SUPT5H: variants seen among roughly 807,000 people sequenced by gnomAD.
The protein encoded by SUPT5H is SPT5 homolog, DSIF elongation factor subunit, also known as transcription elongation factor SPT5.
SUPT5H carries 24 observed loss-of-function variants against 142.5 expected under a neutral mutation model. That is an observed-to-expected ratio of 0.17 (90% confidence interval 0.12 to 0.24). The LOEUF (loss-of-function observed/expected upper bound fraction) is 0.24. SUPT5H is among the 10% of genes least tolerant of loss of function. SUPT5H has a pLI of 1.00. For missense variants in SUPT5H, 893 were observed against 1,471.8 expected (o/e 0.61, Z 6.43); for synonymous variants, 546 against 553.0 (o/e 0.99, Z 0.18).
At chr19:39,476,031 G>A in intron 28 of SUPT5H, 50 bp from the exon 29 acceptor site, 1 of 1,553,806 alleles carries the variant, frequency 6.4e-7, no homozygotes, top group Non-Finnish European at 8.9e-7. Context: ...ATGGGCCTCA[G>A]TCCCATGTTG....
In SUPT5H at chr19:39,466,949, CG is replaced by C; in HGVS notation, c.1037+207del. Reference sequence around the variant, plus strand: ...TAAAGATTGATGAGGCTGGGCGCAGCGGGAGGGAGCACTTTGGAAGGCTAAG... The same window carrying C: ...TAAAGATTGATGAGGCTGGGCGCAGCGGAGGGAGCACTTTGGAAGGCTAAG... On this transcript the variant is annotated intron_variant, in intron 13 of 29. Transcript: ENST00000432763. This position sits in a 1 kb window ranked among gnomAD's most constrained non-coding sequence, Gnocchi z 4.3. 1.7e-6 allele frequency: 1 copy of C among 587,908 alleles called. No individual in the cohort carries two copies. Among genetic ancestry groups the C allele is most frequent in the Non-Finnish European group, 3.0e-6 (1 of 331,832 alleles). 36.4% of individuals were successfully genotyped at this position (587,908 alleles called of 1,614,324 possible). A position where few individuals can be genotyped will look rare whatever the true frequency, so the allele number is the denominator to read the frequency against.
Position 39,466,400 on chromosome 19 carries a change from C to T in SUPT5H, c.877-80C>T, listed in dbSNP as rs988983814. ...CACCATCCTGCGTCCCTTCTCCTTCCTAGCATCTCCTGACCCTTCTTGTGT... is the reference window on the plus strand; with the variant it reads ...CACCATCCTGCGTCCCTTCTCCTTCTTAGCATCTCCTGACCCTTCTTGTGT... On this transcript the variant is annotated intron_variant, in intron 11 of 29. Transcript: ENST00000432763. This position sits in a 1 kb window ranked among gnomAD's most constrained non-coding sequence, Gnocchi z 4.3. 4 of 1,359,518 alleles carry T rather than the reference C, an allele frequency of 2.9e-6. No individual in the cohort carries two copies. Among genetic ancestry groups the T allele is most frequent in the South Asian group, 1.2e-5 (1 of 85,026 alleles). The allele number at this position is 1,359,518 out of a possible 1,614,324, so 84.2% of individuals were successfully genotyped here.
In SUPT5H at chr19:39,471,689, G is replaced by A. The variant is rs763990097; in HGVS notation, c.1909G>A (p.Val637Ile). The A allele has an allele frequency of 1.2e-6, 2 of 1,614,206 alleles. No individual in the cohort carries two copies. Among genetic ancestry groups the A allele is most frequent in the Non-Finnish European group, 1.7e-6 (2 of 1,180,040 alleles). Residue 637 changes from valine (V) to isoleucine (I), a missense_variant, in exon 20 of 30, where the codon GTC becomes ATC. Physicochemically the swap from Val to Ile is conservative, Grantham distance 29. This residue lies in a region of SUPT5H where 428 missense variants were observed against 763.5 expected (regional missense o/e 0.56). Coordinates refer to ENST00000432763, the MANE Select transcript of SUPT5H (RefSeq NM_001111020.3). ...KKLVENGGMF[V>I]CKTRHLVLAG... ...ACTGGTGGAGAACGGGGGCATGTTT[G>A]TCTGCAAGACCCGCCACCTGGTGCT... is the stretch of plus-strand genomic sequence containing the variant.
chr19:39,449,948 T>C (rs2079000623), intron 2 of SUPT5H, among the ~76,000 whole-genome samples: 1 of 151,268 alleles, frequency 6.6e-6, no homozygotes, highest in African/African-American at 2.4e-5. Flanking sequence ...CCTTTTTTTT[T>C]TTTTTTTGAG....
chr19:39,448,221 T>A (rs535562839), intron 2 of SUPT5H, among the ~76,000 whole-genome samples: 1 of 152,316 alleles, frequency 6.6e-6, no homozygotes, highest in East Asian at 1.9e-4. Context: ...GAGTGCTGTG[T>A]GTTTCGGGTG....
chr19:39,459,341 G>A (rs1315546551), intron 8 of SUPT5H, 92 bp downstream of exon 8: 2 of 1,480,610 alleles, frequency 1.4e-6, no homozygotes, highest in African/African-American at 1.4e-5. Flanking sequence ...AAATAAGTCA[G>A]GGCAGAGTCA....
rs2079363125 is a variant in SUPT5H at position 39,473,947 on chromosome 19, AC to A, written c.2493-15del. 8.1e-6 allele frequency: 13 copies of A among 1,613,668 alleles called. No individual in the cohort carries two copies. Among genetic ancestry groups the A allele is most frequent in the Non-Finnish European group, 1.1e-5 (13 of 1,179,966 alleles). ...TTATCACCACAGTCGCTGTCAACAG[AC>A]TTTTCTCCCAACAGGGCTGAGGAAG... On this transcript the variant is annotated splice_polypyrimidine_tract_variant and intron_variant, in intron 25 of 29. Coordinates refer to ENST00000432763, the MANE Select transcript of SUPT5H (RefSeq NM_001111020.3). This position sits in a 1 kb window ranked among gnomAD's most constrained non-coding sequence, Gnocchi z 5.8.
At chr19:39,468,924 C>T (rs1600720029) in intron 14 of SUPT5H, 63 bp downstream of exon 14, 1 of 1,568,084 alleles carries the variant, frequency 6.4e-7, no homozygotes. Context: ...CAGGTGATGC[C>T]CTGGGCTGTG....
chr19:39,450,270 G>C (rs1401780525), intron 2 of SUPT5H, among the ~76,000 whole-genome samples: 2 of 151,926 alleles, frequency 1.3e-5, no homozygotes, highest in African/African-American at 4.8e-5. Flanking sequence ...AAGTGTGAAT[G>C]GGAGGCACAG....
chr19:39,459,661 C>A (rs188234827), intron 9 of SUPT5H, 72 bp downstream of exon 9: 12 of 1,587,128 alleles, frequency 7.6e-6, no homozygotes, highest in Non-Finnish European at 1.0e-5. Context: ...GGAGAAGTGT[C>A]TGTCTGTCCC....
At position 39,476,480 on chromosome 19, in the gene SUPT5H, T is replaced by C; in HGVS notation, c.*81T>C. 3 of 1,542,238 alleles carry C rather than the reference T, an allele frequency of 1.9e-6. No homozygotes were observed. In the Admixed American group the frequency reaches 5.2e-5, roughly 27 times the overall value. On this transcript the variant is annotated 3_prime_UTR_variant, in exon 30 of 30. Coordinates refer to ENST00000432763, the MANE Select transcript of SUPT5H (RefSeq NM_001111020.3). Reference sequence around the variant, plus strand: ...GGCCCTTGGCTGTGACACAAGATCCTCCTGCAGGGCTAGGCGGATTGTTCT... The same window carrying C: ...GGCCCTTGGCTGTGACACAAGATCCCCCTGCAGGGCTAGGCGGATTGTTCT...
Position 39,474,405 on chromosome 19 carries a change from A to T in SUPT5H, c.2820+3A>T. On this transcript the variant is annotated splice_donor_region_variant and intron_variant, in intron 27 of 29. Transcript: ENST00000432763. This position sits in a 1 kb window ranked among gnomAD's most constrained non-coding sequence, Gnocchi z 6.5. Reference sequence around the variant, plus strand: ...CACCGTCGCCCATGGCCTATCAGGTAATGGTCTGCCTGCCTGCCCTGAAGG... The same window carrying T: ...CACCGTCGCCCATGGCCTATCAGGTTATGGTCTGCCTGCCTGCCCTGAAGG... The T allele has an allele frequency of 1.2e-6, 2 of 1,613,426 alleles. No homozygotes were observed. The highest frequency in any genetic ancestry group is 1.7e-6 in the Non-Finnish European group (2 of 1,179,480).
At chr19:39,457,780 G>A (rs1346714596) in intron 4 of SUPT5H, 40 bp downstream of exon 4, 1 of 1,613,766 alleles carries the variant, frequency 6.2e-7, no homozygotes, top group East Asian at 2.2e-5. Flanking sequence ...ACTGGGAAGA[G>A]GGTGGCTGAG....
At position 39,470,308 on chromosome 19, in the gene SUPT5H, G is replaced by T. The variant is rs373614580; in HGVS notation, c.1530+34G>T. The T allele has an allele frequency of 1.5e-4, 227 of 1,545,552 alleles. 1 individual carries two copies. In the African/African-American group the frequency reaches 2.5e-3, roughly 17 times the overall value. On this transcript the variant is annotated intron_variant, in intron 17 of 29. Transcript: ENST00000432763. The surrounding 1 kb of genome is among the most constrained non-coding windows in gnomAD (Gnocchi z 5.8). ...ATAGAAGGGTCGGGGAAGGGTGCAC[G>T]TGCCAAGAGGAGACCCAGGTAGGCG...
In SUPT5H at chr19:39,457,731, C is replaced by T. The variant is rs199661076; in HGVS notation, c.298C>T (p.Leu100=). The T allele has an allele frequency of 3.2e-4, 521 of 1,614,088 alleles. 6 individuals are homozygous for T. In the East Asian group the frequency reaches 0.011, roughly 34 times the overall value. ...GTGGGAGGATGGAGCAGAGGACATTCTAGAGAAAGGTGTGTGTGAGCCCTG... is the reference window on the plus strand; with the variant it reads ...GTGGGAGGATGGAGCAGAGGACATTTTAGAGAAAGGTGTGTGTGAGCCCTG... ...DQWEDGAEDI[L]EKEEIEASNI... is the part of the protein sequence containing the mutation. Residue 100 remains leucine (L), a synonymous_variant, in exon 4 of 30, where the codon CTA becomes TTA. Transcript: ENST00000432763.
intron 2 of SUPT5H, among the ~76,000 whole-genome samples, chr19:39,447,479 C>G (rs999177347): frequency 1.5e-5 from 2 of 133,466 alleles, no homozygotes; most frequent in Admixed American, 8.0e-5. Context: ...GAGACAGCAT[C>G]TCACTAGGTT....
intron 10 of SUPT5H, among the ~76,000 whole-genome samples, chr19:39,463,875 T>C (rs1281055394): frequency 1.3e-5 from 2 of 152,240 alleles, no homozygotes; most frequent in Non-Finnish European, 2.9e-5. Context: ...CCTGATGGAT[T>C]GACCTTTTTA....
chr19:39,453,817 G>T (rs1354851763), intron 3 of SUPT5H, among the ~76,000 whole-genome samples: 2 of 152,102 alleles, frequency 1.3e-5, no homozygotes, highest in Non-Finnish European at 2.9e-5. Flanking sequence ...TGCCCGCCTT[G>T]GCCTCCCAAA....
Position 39,470,400 on chromosome 19 carries a change from G to A in SUPT5H, c.1554G>A (p.Leu518=). ...AGCTGAAGGTGCTCCCCCGGGACCT[G>A]CAGCTCTGCTCAGAGACAGCATCAG... ...MHELKVLPRD[L]QLCSETASGV... The change falls in exon 18 of 30, where the codon CTG becomes CTA. Residue 518 remains leucine, a synonymous_variant. Coordinates refer to ENST00000432763, the MANE Select transcript of SUPT5H (RefSeq NM_001111020.3). This position sits in a 1 kb window ranked among gnomAD's most constrained non-coding sequence, Gnocchi z 5.8. 1 of 1,593,286 alleles carries A rather than the reference G, an allele frequency of 6.3e-7. No homozygotes were observed. Among genetic ancestry groups the A allele is most frequent in the Non-Finnish European group, 8.6e-7 (1 of 1,167,516 alleles).
Sources: allele counts gnomAD v4.1 joint callset (sites outside exome capture counted in the v4.1 genomes callset), GRCh38; gene constraint gnomAD v4.1.1; regional missense constraint gnomAD v4.1.1; non-coding constraint Gnocchi (gnomAD v3.1); transcripts MANE v1.5; gene names NCBI Gene and HGNC (gene_info 2026-07-23, HGNC 2026-07-21).